The following GJC1 variants were observed in gnomAD, a reference collection of about 807,000 sequenced individuals.
GJC1 encodes gap junction gamma-1 protein.
GJC1 carries 5 observed loss-of-function variants against 29.3 expected under a neutral mutation model. The ratio of observed to expected loss-of-function variants is 0.17; its 90% CI spans 0.09 to 0.36. The LOEUF is 0.36. Among genes scored for constraint, GJC1 ranks in the 10% least tolerant of loss-of-function variants. GJC1 has a pLI of 1.00. For synonymous variants in GJC1, 177 were observed against 183.3 expected (o/e 0.97, Z 0.28); for missense variants, 310 against 496.2 (o/e 0.62, Z 3.56).
chr17:44,827,977 G>A (rs1321117405), intron 1 of GJC1, among the ~76,000 whole-genome samples: 2 of 152,178 alleles, frequency 1.3e-5, no homozygotes, highest in South Asian at 2.1e-4. Flanking sequence ...CATTGAATTA[G>A]GCATGGAACA....
In GJC1 at chr17:44,798,574, T is replaced by C. The variant is rs2145277710; in HGVS notation, c.*6053A>G. 1 of 152,374 alleles carries C rather than the reference T, an allele frequency of 6.6e-6. No individual in the cohort carries two copies. Among genetic ancestry groups the C allele is most frequent in the African/African-American group, 2.4e-5 (1 of 41,584 alleles). The allele number at this position is 152,374 out of a possible 1,614,324, so 9.4% of individuals were successfully genotyped here. ...ACAGAACAAAATTAGCAATGAGTGA[T>C]CTTTGGCACTAGAACAGGTGATTCC... On this transcript the variant is annotated 3_prime_UTR_variant, in exon 3 of 3. Transcript: ENST00000592524.
At chr17:44,797,532 G>C (rs961594177), downstream of GJC1, 1 of 152,122 alleles carries the variant, frequency 6.6e-6, no homozygotes, top group African/African-American at 2.4e-5. Context: ...CCCTCCTCTT[G>C]CAAGAACAAA....
At chr17:44,830,744 G>A (rs896340838), upstream of GJC1, 4 of 398,590 alleles carry the variant, frequency 1.0e-5, no homozygotes, top group African/African-American at 8.2e-5. The surrounding 1 kb of genome is among the most constrained non-coding windows in gnomAD (Gnocchi z 4.3). Context: ...CCCAGGTTCT[G>A]CTCTACAATT....
intron 1 of GJC1, among the ~76,000 whole-genome samples, chr17:44,808,771 A>G (rs1254420126): frequency 6.6e-6 from 1 of 151,976 alleles, no homozygotes; most frequent in Non-Finnish European, 1.5e-5. Flanking sequence ...TAAAGAAGCA[A>G]AAAGATTTAC....
intron 1 of GJC1, among the ~76,000 whole-genome samples, chr17:44,808,657 G>A (rs1693410187): frequency 6.6e-6 from 1 of 152,222 alleles, no homozygotes; most frequent in South Asian, 2.1e-4. Flanking sequence ...AGCTACTTGG[G>A]AGGCTCAGGT....
chr17:44,804,391 C>A lies in GJC1; in HGVS notation c.*236G>T. 2.1e-6 allele frequency: 1 copy of A among 474,128 alleles called. No individual in the cohort carries two copies. The highest frequency in any genetic ancestry group is 3.7e-6 in the Non-Finnish European group (1 of 269,398). 29.4% of individuals were successfully genotyped at this position (474,128 alleles called of 1,614,324 possible). ...TCTGTTCTTCTCCAGATCTGGAAGA[C>A]ACAAATGTAAAGTTCTGCAACTGTA... is the stretch of plus-strand genomic sequence containing the variant. On this transcript the variant is annotated 3_prime_UTR_variant, in exon 3 of 3. Coordinates refer to ENST00000592524, the MANE Select transcript of GJC1 (RefSeq NM_005497.4).
chr17:44,819,471 A>C (rs895973402), intron 1 of GJC1, among the ~76,000 whole-genome samples: 1 of 151,954 alleles, frequency 6.6e-6, no homozygotes, highest in Non-Finnish European at 1.5e-5. Context: ...ATCCTGGCTA[A>C]CACTGTGAAA....
chr17:44,807,372 C>A (rs1054171043), intron 2 of GJC1, 22 bp downstream of exon 2: 1 of 152,180 alleles, frequency 6.6e-6, no homozygotes, highest in African/African-American at 2.4e-5. Context: ...GTCAGCACCA[C>A]CAAAGTTTAA....
rs767191094 is a variant in GJC1 at position 44,805,240 on chromosome 17, A to G, written c.578T>C (p.Ile193Thr). The change falls in exon 3 of 3, where the codon ATA (isoleucine) becomes ACA (threonine). Residue 193 changes from isoleucine (I) to threonine (T), a missense_variant. Physicochemically the swap from Ile to Thr is moderately conservative, Grantham distance 89 (BLOSUM62 -1). Around this residue, in one of 4 missense-constraint regions of GJC1, gnomAD observed 45 missense variants for 126.2 expected, o/e 0.36. Coordinates refer to ENST00000592524, the MANE Select transcript of GJC1 (RefSeq NM_005497.4). This position sits in a 1 kb window ranked among gnomAD's most constrained non-coding sequence, Gnocchi z 5.1. ...ARTVFEVGFLIGQYFLYGFQV... is the reference protein window; with the variant it reads ...ARTVFEVGFLTGQYFLYGFQV... Reference sequence around the variant, plus strand: ...GAAGCCATACAGAAAATACTGCCCTATCAGAAAACCCACCTCAAACACGGT... The same window carrying G: ...GAAGCCATACAGAAAATACTGCCCTGTCAGAAAACCCACCTCAAACACGGT... The G allele has an allele frequency of 1.2e-6, 2 of 1,614,176 alleles. No individual in the cohort carries two copies. The highest frequency in any genetic ancestry group is 2.2e-5 in the South Asian group (2 of 91,090).
downstream of GJC1, among the ~76,000 whole-genome samples, chr17:44,797,273 T>C (rs1232687415): frequency 6.6e-6 from 1 of 151,680 alleles, no homozygotes; most frequent in Non-Finnish European, 1.5e-5. Context: ...GGCCGGCTAA[T>C]TTTTTTGTAT....
At position 44,821,440 on chromosome 17, in the gene GJC1, G is replaced by A. The variant is rs9900625; in HGVS notation, c.-97+8622C>T. On this transcript the variant is annotated intron_variant, in intron 1 of 2. Coordinates refer to ENST00000592524, the MANE Select transcript of GJC1 (RefSeq NM_005497.4). ...CGGCTGGGTGCGGTGGCTCATGCCT[G>A]TAATCCCAGCACTTTGGGAGGCTGA... 3.6e-3 allele frequency among the ~76,000 whole-genome samples: 547 copies of A among 152,198 alleles called. 6 individuals carry two copies. Among genetic ancestry groups the A allele is most frequent in the African/African-American group, 0.012 (504 of 41,524 alleles).
At chr17:44,815,715 G>C (rs1432668584) in intron 1 of GJC1, among the ~76,000 whole-genome samples, 2 of 152,018 alleles carry the variant, frequency 1.3e-5, no homozygotes, top group Non-Finnish European at 2.9e-5. Context: ...ATATAGTATA[G>C]ACATTGATTA....
At position 44,801,789 on chromosome 17, in the gene GJC1, G is replaced by C. The variant is rs1162015178; in HGVS notation, c.*2838C>G. 6.6e-6 allele frequency: 1 copy of C among 152,084 alleles called. No individual in the cohort carries two copies. Among genetic ancestry groups the C allele is most frequent in the Non-Finnish European group, 1.5e-5 (1 of 68,046 alleles). 9.4% of individuals were successfully genotyped at this position (152,084 alleles called of 1,614,324 possible). On this transcript the variant is annotated 3_prime_UTR_variant, in exon 3 of 3. Coordinates refer to ENST00000592524, the MANE Select transcript of GJC1 (RefSeq NM_005497.4). ...CTGGCTAATTTCTGTATTTTTAGTA[G>C]AGATGGAGTTTCACCATGTTGACCA...
At chr17:44,830,378 G>T, upstream of GJC1, 1 of 263,540 alleles carries the variant, frequency 3.8e-6, no homozygotes, top group Non-Finnish European at 7.1e-6. This position sits in a 1 kb window ranked among gnomAD's most constrained non-coding sequence, Gnocchi z 4.3. Flanking sequence ...CGAGTGGGAG[G>T]GGGGCGCCCC....
Position 44,804,103 on chromosome 17 carries a change from C to T in GJC1, c.*524G>A, listed in dbSNP as rs1288073210. 1 of 152,356 alleles carries T rather than the reference C, an allele frequency of 6.6e-6. No homozygotes were observed. The highest frequency in any genetic ancestry group is 1.5e-5 in the Non-Finnish European group (1 of 68,206). The allele number at this position is 152,356 out of a possible 1,614,324, so 9.4% of individuals were successfully genotyped here. On this transcript the variant is annotated 3_prime_UTR_variant, in exon 3 of 3. Coordinates refer to ENST00000592524, the MANE Select transcript of GJC1 (RefSeq NM_005497.4). The stretch of plus-strand genomic sequence containing the variant: ...TCTCCTCTTCAGTCTCCTTACACAT[C>T]TGAAATCGTTCCTGCAATATGAGAG...
intron 1 of GJC1, among the ~76,000 whole-genome samples, chr17:44,823,752 C>T (rs1232318993): frequency 6.6e-6 from 1 of 151,068 alleles, no homozygotes; most frequent in Non-Finnish European, 1.5e-5. Context: ...TGTTCTGTCG[C>T]CTAGCCTGGA....
chr17:44,822,631 G>A (rs1419285263), intron 1 of GJC1, among the ~76,000 whole-genome samples: 4 of 87,494 alleles, frequency 4.6e-5, no homozygotes, highest in Admixed American at 1.9e-4. Flanking sequence ...CAACAAGAGC[G>A]AAACTCCATC....
At chr17:44,829,897 C>G (rs987035175) in intron 1 of GJC1, among the ~76,000 whole-genome samples, 165 bp downstream of exon 1, 1 of 151,984 alleles carries the variant, frequency 6.6e-6, no homozygotes, top group Admixed American at 6.5e-5. Flanking sequence ...GGCGGGAACC[C>G]CTCGGCGGCG....
Position 44,798,831 on chromosome 17 carries a change from C to T in GJC1, c.*5796G>A, listed in dbSNP as rs2049806399. 1 of 152,156 alleles carries T rather than the reference C, an allele frequency of 6.6e-6. No individual in the cohort carries two copies. The highest frequency in any genetic ancestry group is 6.5e-5 in the Admixed American group (1 of 15,278). 9.4% of individuals were successfully genotyped at this position (152,156 alleles called of 1,614,324 possible). On this transcript the variant is annotated 3_prime_UTR_variant, in exon 3 of 3. Coordinates refer to ENST00000592524, the MANE Select transcript of GJC1 (RefSeq NM_005497.4). Reference sequence around the variant, plus strand: ...CAGAAAAACATTTAAATCTTGGAAGCATATAGCCTGGTTCAACAAGCCAAC... The same window carrying T: ...CAGAAAAACATTTAAATCTTGGAAGTATATAGCCTGGTTCAACAAGCCAAC...
Sources: gnomAD v4.1 joint callset for allele counts (sites outside exome capture counted in the v4.1 genomes callset) on GRCh38, gnomAD v4.1.1 for gene constraint, gnomAD v4.1.1 regional missense constraint, Gnocchi (gnomAD v3.1) non-coding constraint, MANE v1.5 for transcripts, NCBI Gene and HGNC (gene_info 2026-07-23, HGNC 2026-07-21) for gene names.